SCAMP1: variants seen among roughly 807,000 people sequenced by gnomAD.
The protein encoded by SCAMP1 is secretory carrier-associated membrane protein 1.
In SCAMP1, 15 loss-of-function variants were observed where a neutral mutation model predicts 41.8. The observed-to-expected ratio is 0.36, with a 90% confidence interval of 0.24 to 0.55. The LOEUF (loss-of-function observed/expected upper bound fraction) is 0.55, where lower values mean the gene tolerates loss of function less well. SCAMP1 is among the 20% of genes least tolerant of loss of function. SCAMP1 has a pLI of 0.86. For synonymous variants in SCAMP1, 135 were observed against 136.8 expected, an observed-to-expected ratio of 0.99 and a Z score of 0.09; for missense variants, 341 against 412.6, an observed-to-expected ratio of 0.83 and a Z score of 1.50.
chr5:78,381,469 A>G (rs1275384264), intron 1 of SCAMP1, among the ~76,000 whole-genome samples: 1 of 152,202 alleles, frequency 6.6e-6, no homozygotes, highest in Non-Finnish European at 1.5e-5. Flanking sequence ...GTGCTTGTTG[A>G]TCCTAAACTC....
chr5:78,437,198 C>G (rs546412191), intron 6 of SCAMP1, among the ~76,000 whole-genome samples: 3 of 152,172 alleles, frequency 2.0e-5, no homozygotes, highest in Admixed American at 6.5e-5. Context: ...ATTGAATACC[C>G]GTTATTTCTT....
intron 6 of SCAMP1, among the ~76,000 whole-genome samples, chr5:78,429,114 T>G (rs1752535806): frequency 6.6e-6 from 1 of 152,228 alleles, no homozygotes; most frequent in South Asian, 2.1e-4. Flanking sequence ...TCCAAAGTAG[T>G]TATCTTTAAT....
intron 8 of SCAMP1, among the ~76,000 whole-genome samples, chr5:78,461,566 C>CT (rs1469736468): frequency 6.6e-6 from 1 of 152,048 alleles, no homozygotes. Context: ...TTACCATAGT[C>CT]TTTTTTCTTT....
chr5:78,457,658 CA>C (rs1753455182), intron 7 of SCAMP1: 1 of 154,326 alleles, frequency 6.5e-6, no homozygotes, highest in Admixed American at 6.5e-5. Flanking sequence ...GCCCTGCCCC[CA>C]GAGGTGGAGC....
intron 7 of SCAMP1, among the ~76,000 whole-genome samples, chr5:78,454,169 T>G (rs1336437315): frequency 8.6e-5 from 13 of 151,898 alleles, no homozygotes; most frequent in Non-Finnish European, 1.6e-4. Context: ...TTGAATGCCC[T>G]TTATTTCCTT....
In SCAMP1 at chr5:78,430,072, A is replaced by G. The variant is rs200308489; in HGVS notation, c.632+8112A>G. On this transcript the variant is annotated intron_variant, in intron 6 of 8. Coordinates refer to ENST00000621999, the MANE Select transcript of SCAMP1 (RefSeq NM_004866.6). ...GTATTTATTTATAAATACAGTATTT[A>G]TTTATAAATACAGTATTTATTTATA... 2.4e-3 allele frequency among the ~76,000 whole-genome samples: 217 copies of G among 91,258 alleles called. 13 individuals are homozygous for G. Among genetic ancestry groups the G allele is most frequent in the African/African-American group, 9.2e-3 (203 of 22,014 alleles). The allele number at this position is 91,258 out of a possible 152,430, so 59.9% of individuals were successfully genotyped here.
At chr5:78,405,406 C>T (rs1751910413) in intron 2 of SCAMP1, among the ~76,000 whole-genome samples, 1 of 152,132 alleles carries the variant, frequency 6.6e-6, no homozygotes, top group Non-Finnish European at 1.5e-5. Flanking sequence ...CTGGTTGTCA[C>T]CTCTGCTTAA....
At chr5:78,370,663 C>G (rs1451341025) in intron 1 of SCAMP1, 1 of 152,122 alleles carries the variant, frequency 6.6e-6, no homozygotes. Flanking sequence ...TCTGTTTGAT[C>G]ACCTGTTTTA....
chr5:78,390,796 G>T (rs1314739168), intron 2 of SCAMP1, among the ~76,000 whole-genome samples: 1 of 150,876 alleles, frequency 6.6e-6, no homozygotes. Context: ...AGAGGACCCT[G>T]CGGCCTTCCG....
Position 78,416,657 on chromosome 5 carries a change from C to A in SCAMP1, c.343+8C>A. The A allele has an allele frequency of 6.4e-7, 1 of 1,553,888 alleles. No homozygotes were observed. Among genetic ancestry groups the A allele is most frequent in the Non-Finnish European group, 8.7e-7 (1 of 1,147,144 alleles). On this transcript the variant is annotated splice_region_variant and intron_variant, in intron 4 of 8. Transcript: ENST00000621999. ...AAAACCTCAGTCAACATGGTAGTATCCAAAGAAATTTGAAATAAAAATAAC... is the reference window on the plus strand; with the variant it reads ...AAAACCTCAGTCAACATGGTAGTATACAAAGAAATTTGAAATAAAAATAAC...
At chr5:78,394,655 C>A (rs561387878) in intron 2 of SCAMP1, among the ~76,000 whole-genome samples, 3 of 152,096 alleles carry the variant, frequency 2.0e-5, no homozygotes, top group Admixed American at 2.0e-4. Context: ...AGTTTAACAC[C>A]TGTCTTTATT....
At chr5:78,389,775 G>A (rs890831861) in intron 2 of SCAMP1, among the ~76,000 whole-genome samples, 1 of 151,962 alleles carries the variant, frequency 6.6e-6, no homozygotes, top group African/African-American at 2.4e-5. Context: ...AAACTGTTGA[G>A]GTAGATTCTG....
chr5:78,369,231 C>A (rs1427869402), intron 1 of SCAMP1, among the ~76,000 whole-genome samples: 1 of 152,004 alleles, frequency 6.6e-6, no homozygotes, highest in Non-Finnish European at 1.5e-5. Context: ...CTTAGCCTCC[C>A]GAGTAGCTGG....
chr5:78,449,018 T>C (rs1237299852), intron 6 of SCAMP1, among the ~76,000 whole-genome samples: 1 of 145,484 alleles, frequency 6.9e-6, no homozygotes, highest in African/African-American at 2.5e-5. Context: ...AAAAAGAAAA[T>C]GTAAATAAAA....
intron 6 of SCAMP1, among the ~76,000 whole-genome samples, chr5:78,425,361 ACTGG>A (rs1462594232): frequency 6.6e-6 from 1 of 152,322 alleles, no homozygotes; most frequent in South Asian, 2.1e-4. Flanking sequence ...CCGCTGAAGC[ACTGG>A]TATGTTTCCA....
chr5:78,384,052 C>A (rs1277989660), intron 1 of SCAMP1, among the ~76,000 whole-genome samples: 3 of 152,046 alleles, frequency 2.0e-5, no homozygotes, highest in African/African-American at 7.2e-5. Context: ...ATTGATTCTA[C>A]CCATCCATGA....
chr5:78,450,494 C>G (rs140143429), intron 7 of SCAMP1, among the ~76,000 whole-genome samples: 7 of 152,148 alleles, frequency 4.6e-5, no homozygotes, highest in African/African-American at 1.7e-4. Flanking sequence ...ACTGCACACA[C>G]GTTATATACA....
chr5:78,392,769 C>A (rs1309081607), intron 2 of SCAMP1, among the ~76,000 whole-genome samples: 4 of 152,110 alleles, frequency 2.6e-5, no homozygotes, highest in Non-Finnish European at 4.4e-5. Context: ...ATTAAATATT[C>A]CTTTGTTTAT....
At chr5:78,439,439 G>C (rs1419211423) in intron 6 of SCAMP1, among the ~76,000 whole-genome samples, 2 of 152,184 alleles carry the variant, frequency 1.3e-5, no homozygotes, top group Non-Finnish European at 2.9e-5. Context: ...GCATTTGCTT[G>C]TCTGTAAAGT....
Sources: allele counts gnomAD v4.1 joint callset (sites outside exome capture counted in the v4.1 genomes callset), GRCh38; gene constraint gnomAD v4.1.1; transcripts MANE v1.5; gene names NCBI Gene and HGNC (gene_info 2026-07-23, HGNC 2026-07-21).